SMOC2: variants seen among roughly 807,000 people sequenced by gnomAD.
SMOC2 encodes the protein SPARC-related modular calcium-binding protein 2.
Under a neutral mutation model 61.4 loss-of-function variants are expected in SMOC2, and 39 were observed. The ratio of observed to expected loss-of-function variants is 0.64; its 90% CI spans 0.49 to 0.83. SMOC2 has a LOEUF of 0.83. SMOC2 is among the 40% of genes least tolerant of loss of function. The pLI, the probability that SMOC2 is intolerant of heterozygous loss-of-function variation, is 0.00. For synonymous variants in SMOC2, 247 were observed against 239.9 expected, an observed-to-expected ratio of 1.03 and a Z score of -0.27; for missense variants, 556 against 592.9, an observed-to-expected ratio of 0.94 and a Z score of 0.65.
intron 9 of SMOC2, among the ~76,000 whole-genome samples, chr6:168,635,777 A>T (rs866077809): frequency 6.6e-6 from 1 of 151,812 alleles, no homozygotes; most frequent in Non-Finnish European, 1.5e-5. Flanking sequence ...AGGCTGAGGC[A>T]TGAGAACTGC....
chr6:168,488,272 C>T (rs184364086), intron 1 of SMOC2, among the ~76,000 whole-genome samples: 348 of 152,348 alleles, frequency 2.3e-3, no homozygotes, highest in African/African-American at 4.4e-3. Flanking sequence ...CTCCCATGGC[C>T]GCTTCCCCCC....
rs559260784 is a variant in SMOC2, at chr6:168,645,618, G to A, written c.908-5063G>A. Among the ~76,000 whole-genome samples, 5 of 152,206 alleles carry A rather than the reference G, an allele frequency of 3.3e-5. No homozygotes were observed. The East Asian group carries it at 5.8e-4, about 18-fold the overall frequency. On this transcript the variant is annotated intron_variant, in intron 9 of 12. Coordinates refer to ENST00000356284, the MANE Select transcript of SMOC2 (RefSeq NM_001166412.2). ...TCTCCCAACCCACATGTGACAGCCC[G>A]GGCACAAGAGTGGAGATAGCATTTG... is the stretch of plus-strand genomic sequence containing the variant.
At chr6:168,511,829 T>TTTTTC (rs1554285806) in intron 2 of SMOC2, among the ~76,000 whole-genome samples, 5 of 151,322 alleles carry the variant, frequency 3.3e-5, no homozygotes, top group Admixed American at 1.3e-4. Context: ...TTTTTTTTTT[T>TTTTTC]CTGAAATTAC....
chr6:168,537,626 G>C (rs569341653), intron 4 of SMOC2, among the ~76,000 whole-genome samples: 37 of 152,258 alleles, frequency 2.4e-4, no homozygotes, highest in Non-Finnish European at 4.3e-4. Flanking sequence ...CCAGGAGGCC[G>C]AGTGGCTGGT....
chr6:168,461,780 A>G (rs1583033170), intron 1 of SMOC2, among the ~76,000 whole-genome samples: 3 of 151,756 alleles, frequency 2.0e-5, no homozygotes. Context: ...TAGAAACACC[A>G]CTCTATTACG....
In SMOC2 at chr6:168,608,149, G is replaced by C. The variant is rs780743844; in HGVS notation, c.825-8G>C. 1 of 1,609,266 alleles carries C rather than the reference G, an allele frequency of 6.2e-7. No homozygotes were observed. Among genetic ancestry groups the C allele is most frequent in the South Asian group, 1.1e-5 (1 of 90,568 alleles). On this transcript the variant is annotated splice_region_variant and splice_polypyrimidine_tract_variant and intron_variant, in intron 8 of 12. Transcript: ENST00000356284. Reference sequence around the variant, plus strand: ...TCTCTCCTTCCCCCGCCTTCCCCCCGCCCATAGGTACGAGCAGCCGAAATG... The same window carrying C: ...TCTCTCCTTCCCCCGCCTTCCCCCCCCCCATAGGTACGAGCAGCCGAAATG...
Position 168,531,147 on chromosome 6 carries a change from C to G in SMOC2, c.463+3420C>G, listed in dbSNP as rs193242888. On this transcript the variant is annotated intron_variant, in intron 4 of 12. Transcript: ENST00000356284. ...TCCAGAGGTGGCAAACCATGAAGAC[C>G]AGCAGGGAGTGATGGCCACACACGC... 1.5e-3 allele frequency among the ~76,000 whole-genome samples: 227 copies of G among 152,192 alleles called. 2 individuals are homozygous for G. The highest frequency in any genetic ancestry group is 5.2e-3 in the African/African-American group (217 of 41,534).
chr6:168,539,242 A>G (rs1461911402), intron 4 of SMOC2, among the ~76,000 whole-genome samples: 5 of 152,188 alleles, frequency 3.3e-5, no homozygotes, highest in African/African-American at 7.2e-5. Flanking sequence ...ATTTATAAAC[A>G]TGAAAATCAC....
intron 2 of SMOC2, among the ~76,000 whole-genome samples, chr6:168,514,420 G>A (rs374134132): frequency 5.9e-4 from 90 of 152,360 alleles, no homozygotes; most frequent in African/African-American, 2.1e-3. Flanking sequence ...CCAGGAAACC[G>A]CAGGGCCATG....
intron 9 of SMOC2, among the ~76,000 whole-genome samples, chr6:168,648,327 G>A (rs781193352): frequency 5.3e-5 from 8 of 152,342 alleles, no homozygotes; most frequent in Admixed American, 1.3e-4. Flanking sequence ...CTGTCTCGTC[G>A]CCCTGGACAA....
At chr6:168,611,401 T>C (rs371866309) in intron 9 of SMOC2, among the ~76,000 whole-genome samples, 43 of 80,556 alleles carry the variant, frequency 5.3e-4, no homozygotes, top group East Asian at 8.5e-4. Flanking sequence ...GCTCTGGTTC[T>C]CATGTCCGGG....
intron 1 of SMOC2, among the ~76,000 whole-genome samples, chr6:168,461,852 T>C (rs1435531435): frequency 6.6e-6 from 1 of 152,186 alleles, no homozygotes; most frequent in African/African-American, 2.4e-5. Context: ...AATTTTTTTT[T>C]CAGGGCTGCT....
chr6:168,543,532 A>G (rs1371777694), intron 4 of SMOC2, 93 bp from the exon 5 acceptor site: 3 of 1,178,450 alleles, frequency 2.5e-6, no homozygotes, highest in African/African-American at 3.1e-5. Flanking sequence ...CAAATTAGTC[A>G]AAATGGAGCA....
intron 4 of SMOC2, among the ~76,000 whole-genome samples, chr6:168,539,057 G>A (rs1783817324): frequency 6.6e-6 from 1 of 152,088 alleles, no homozygotes. Flanking sequence ...GCAGTGCTCA[G>A]TAACTGTGGC....
chr6:168,642,866 G>A (rs1786928700), intron 9 of SMOC2, among the ~76,000 whole-genome samples: 1 of 152,172 alleles, frequency 6.6e-6, no homozygotes, highest in Non-Finnish European at 1.5e-5. Flanking sequence ...AATGACAGGC[G>A]TCAAATGCTT....
At chr6:168,527,147 GACA>G (rs914050551) in intron 3 of SMOC2, among the ~76,000 whole-genome samples, 21 of 152,300 alleles carry the variant, frequency 1.4e-4, no homozygotes, top group African/African-American at 5.1e-4. Context: ...GCCTTTGAGA[GACA>G]ACGAGGGAGA....
chr6:168,570,506 A>G (rs1784640498), intron 7 of SMOC2, among the ~76,000 whole-genome samples: 1 of 152,194 alleles, frequency 6.6e-6, no homozygotes, highest in African/African-American at 2.4e-5. Flanking sequence ...GGAGGGAGCC[A>G]GGTTTTCACA....
At chr6:168,528,400 C>G (rs544848830) in intron 4 of SMOC2, among the ~76,000 whole-genome samples, 4 of 151,916 alleles carry the variant, frequency 2.6e-5, no homozygotes, top group African/African-American at 9.6e-5. Context: ...TATGATCTAG[C>G]CCTCCAGATT....
At chr6:168,526,168 C>T (rs1265567718) in intron 2 of SMOC2, among the ~76,000 whole-genome samples, 178 bp from the exon 3 acceptor site, 1 of 152,252 alleles carries the variant, frequency 6.6e-6, no homozygotes, top group Non-Finnish European at 1.5e-5. Context: ...GTGACAGGCA[C>T]CTGCCCTTCT....
Sources: allele counts gnomAD v4.1 joint callset (sites outside exome capture counted in the v4.1 genomes callset), GRCh38; gene constraint gnomAD v4.1.1; transcripts MANE v1.5; gene names NCBI Gene and HGNC (gene_info 2026-07-23, HGNC 2026-07-21).